ADAM12: variants seen among roughly 807,000 people sequenced by gnomAD.
ADAM12 encodes the protein ADAM metallopeptidase domain 12.
ADAM12 carries 70 observed loss-of-function variants against 106.4 expected under a neutral mutation model. That is an observed-to-expected ratio of 0.66 (90% confidence interval 0.54 to 0.80). The LOEUF (loss-of-function observed/expected upper bound fraction) is 0.80. ADAM12 is among the 30% of genes least tolerant of loss of function. The probability of loss-of-function intolerance (pLI) is 0.00; values close to 1 mark genes in which losing one functional copy is unlikely to be tolerated. For missense variants in ADAM12, 1,010 were observed against 1,171.9 expected, an observed-to-expected ratio of 0.86 and a Z score of 2.02; for synonymous variants, 420 against 433.5, an observed-to-expected ratio of 0.97 and a Z score of 0.39.
chr10:126,149,752 A>G (rs895338827), intron 4 of ADAM12, among the ~76,000 whole-genome samples: 1 of 152,278 alleles, frequency 6.6e-6, no homozygotes, highest in Non-Finnish European at 1.5e-5. Context: ...GACCTACACC[A>G]ATGGTTTGCC....
At chr10:126,133,749 C>T (rs1240320376) in intron 5 of ADAM12, among the ~76,000 whole-genome samples, 1 of 152,210 alleles carries the variant, frequency 6.6e-6, no homozygotes, top group African/African-American at 2.4e-5. Context: ...TACTGCCTCC[C>T]TGTCCCTGTC....
intron 9 of ADAM12, among the ~76,000 whole-genome samples, chr10:126,100,318 T>TC (rs1955638055): frequency 6.6e-6 from 1 of 152,170 alleles, no homozygotes; most frequent in Non-Finnish European, 1.5e-5. Flanking sequence ...AAGTCTTTTT[T>TC]CCCTCCAGGA....
Position 126,049,310 on chromosome 10 carries a change from G to A in ADAM12, c.1860C>T (p.Gly620=), listed in dbSNP as rs539968083. The A allele has an allele frequency of 7.1e-5, 114 of 1,614,198 alleles. No homozygotes were observed. Among genetic ancestry groups the A allele is most frequent in the African/African-American group, 9.3e-5 (7 of 75,052 alleles). The change falls in exon 16 of 23, where the codon GGC becomes GGT. Residue 620 remains glycine (G), a synonymous_variant. Transcript: ENST00000448723. This position sits in a 1 kb window ranked among gnomAD's most constrained non-coding sequence, Gnocchi z 4.4. The part of the protein sequence containing the change: ...ILCRGTHVYL[G]DDMPDPGLVL... Reference sequence around the variant, plus strand: ...CAAGCCCTGGGTCCGGCATGTCATCGCCCAAGTACACGTGGGTCCCCCGGC... The same window carrying A: ...CAAGCCCTGGGTCCGGCATGTCATCACCCAAGTACACGTGGGTCCCCCGGC...
intron 3 of ADAM12, among the ~76,000 whole-genome samples, chr10:126,270,771 G>T (rs1054217656): frequency 3.9e-5 from 6 of 152,150 alleles, no homozygotes; most frequent in African/African-American, 1.4e-4. Context: ...TGAGCTCCTG[G>T]TAGTGGGGAA....
chr10:126,050,914 C>T (rs1242033921), intron 14 of ADAM12, among the ~76,000 whole-genome samples: 1 of 152,128 alleles, frequency 6.6e-6, no homozygotes, highest in Non-Finnish European at 1.5e-5. Context: ...TCTCTTTTTT[C>T]AGGGGCATTA....
chr10:126,353,642 T>C (rs1033095406), intron 1 of ADAM12, among the ~76,000 whole-genome samples: 4 of 152,222 alleles, frequency 2.6e-5, no homozygotes, highest in Non-Finnish European at 5.9e-5. Context: ...AGGTCTCTGA[T>C]AGCAAAATAA....
chr10:126,200,990 T>C (rs1406818827), intron 3 of ADAM12, among the ~76,000 whole-genome samples: 2 of 152,236 alleles, frequency 1.3e-5, no homozygotes, highest in East Asian at 1.9e-4. Flanking sequence ...AAATTTCTCA[T>C]ATGGGAGGTA....
intron 2 of ADAM12, among the ~76,000 whole-genome samples, chr10:126,326,582 C>T (rs1278230671): frequency 1.3e-5 from 2 of 152,190 alleles, no homozygotes; most frequent in African/African-American, 2.4e-5. Flanking sequence ...CCTTCCTGGA[C>T]AGTTGCACTG....
chr10:126,319,106 A>G (rs191931117), intron 2 of ADAM12, among the ~76,000 whole-genome samples: 3 of 152,318 alleles, frequency 2.0e-5, no homozygotes, highest in Admixed American at 1.3e-4. Context: ...AACCATATCA[A>G]TAACCATAAG....
chr10:126,030,188 G>C (rs1236389845), intron 21 of ADAM12, among the ~76,000 whole-genome samples: 1 of 152,236 alleles, frequency 6.6e-6, no homozygotes, highest in Non-Finnish European at 1.5e-5. Flanking sequence ...TACATAATGT[G>C]TTGCCATTTG....
At chr10:126,387,982 A>G in intron 1 of ADAM12, 76 bp downstream of exon 1, 1 of 1,178,172 alleles carries the variant, frequency 8.5e-7, no homozygotes, top group South Asian at 4.2e-5. Context: ...GCAGCCCTGG[A>G]CCTCGGCGCG....
At chr10:126,114,091 A>G (rs1278384) in intron 6 of ADAM12, among the ~76,000 whole-genome samples, 96,978 of 151,826 alleles carry the variant, frequency 0.64, 31,460 homozygotes, top group African/African-American at 0.77. Context: ...TTGAGCTCCA[A>G]TTTCGGTTAG....
chr10:126,020,916 C>T (rs1355501729), intron 21 of ADAM12, among the ~76,000 whole-genome samples: 1 of 146,598 alleles, frequency 6.8e-6, no homozygotes, highest in Non-Finnish European at 1.5e-5. Context: ...TCGCTTGAAC[C>T]CGGGAGGCAG....
chr10:126,065,068 TC>T, intron 13 of ADAM12, 67 bp from the exon 14 acceptor site: 1 of 1,499,596 alleles, frequency 6.7e-7, no homozygotes, highest in Non-Finnish European at 9.0e-7. Context: ...TCAGCATTAC[TC>T]CTGGGCTGGA....
At chr10:126,324,328 A>G (rs1442070692) in intron 2 of ADAM12, among the ~76,000 whole-genome samples, 4 of 152,230 alleles carry the variant, frequency 2.6e-5, no homozygotes, top group East Asian at 3.9e-4. Context: ...ACATGGGGAC[A>G]GAACATAGTG....
intron 3 of ADAM12, among the ~76,000 whole-genome samples, chr10:126,229,426 G>A (rs1258057916): frequency 6.6e-6 from 1 of 151,192 alleles, no homozygotes; most frequent in Non-Finnish European, 1.5e-5. Context: ...CATTTTAATG[G>A]CTGCATAATT....
chr10:126,295,995 C>T (rs985064341), intron 2 of ADAM12, among the ~76,000 whole-genome samples: 15 of 151,994 alleles, frequency 9.9e-5, no homozygotes, highest in African/African-American at 1.9e-4. Flanking sequence ...ATCTACCCTA[C>T]GCTACAACCA....
At chr10:126,196,833 G>C (rs1957605187) in intron 3 of ADAM12, among the ~76,000 whole-genome samples, 1 of 150,582 alleles carries the variant, frequency 6.6e-6, no homozygotes, top group African/African-American at 2.5e-5. Context: ...AGCATCTGTT[G>C]CTTCTTGTAA....
intron 1 of ADAM12, among the ~76,000 whole-genome samples, chr10:126,381,933 C>T (rs1165074308): frequency 1.3e-5 from 2 of 150,998 alleles, no homozygotes; most frequent in African/African-American, 4.9e-5. Flanking sequence ...TATGATTGCA[C>T]CACTGTACAT....
Sources: gnomAD v4.1 joint callset for allele counts (sites outside exome capture counted in the v4.1 genomes callset) on GRCh38, gnomAD v4.1.1 for gene constraint, Gnocchi (gnomAD v3.1) non-coding constraint, MANE v1.5 for transcripts, NCBI Gene and HGNC (gene_info 2026-07-23, HGNC 2026-07-21) for gene names.